The following PAK6 variants were observed in gnomAD, a reference collection of about 807,000 sequenced individuals.
PAK6 encodes the protein serine/threonine-protein kinase PAK 6.
In PAK6, 33 loss-of-function variants were observed where a neutral mutation model predicts 60.8. The ratio of observed to expected loss-of-function variants is 0.54; its 90% CI spans 0.41 to 0.73. The LOEUF (loss-of-function observed/expected upper bound fraction) is 0.73. PAK6 is among the 30% of genes least tolerant of loss of function. The pLI, the probability that PAK6 is intolerant of heterozygous loss-of-function variation, is 0.00. For synonymous variants in PAK6, 404 were observed against 378.5 expected, an observed-to-expected ratio of 1.07 and a Z score of -0.78; for missense variants, 845 against 904.1, an observed-to-expected ratio of 0.93 and a Z score of 0.84.
chr15:40,273,263 G>A, intron 7 of PAK6, 83 bp from the exon 8 acceptor site: 7 of 1,504,150 alleles, frequency 4.7e-6, no homozygotes, highest in Middle Eastern at 2.4e-4. Flanking sequence ...CCTAGCACCA[G>A]GGACTCCTAC....
chr15:40,267,572 T>C (rs1368834253), intron 5 of PAK6, among the ~76,000 whole-genome samples: 1 of 152,048 alleles, frequency 6.6e-6, no homozygotes, highest in Non-Finnish European at 1.5e-5. Context: ...GGCAGGAGAA[T>C]GGCGTGAACC....
intron 4 of PAK6, among the ~76,000 whole-genome samples, chr15:40,265,476 C>G (rs1474040822): frequency 1.3e-5 from 2 of 152,176 alleles, no homozygotes; most frequent in Non-Finnish European, 2.9e-5. Context: ...GTCTCTTCCT[C>G]AGAGGGCTGG....
chr15:40,252,109 G>T, intron 2 of PAK6: 1 of 377,654 alleles, frequency 2.6e-6, no homozygotes, highest in Non-Finnish European at 4.7e-6. Context: ...CAGTCTTGGG[G>T]CCCTGTCCAC....
chr15:40,265,502 C>T (rs1408443412), intron 4 of PAK6, among the ~76,000 whole-genome samples: 1 of 152,180 alleles, frequency 6.6e-6, no homozygotes, highest in African/African-American at 2.4e-5. Flanking sequence ...TCTCTCCCAG[C>T]CACCCGTGGA....
chr15:40,275,799 G>A, intron 10 of PAK6, 128 bp from the exon 11 acceptor site: 1 of 829,868 alleles, frequency 1.2e-6, no homozygotes, highest in Non-Finnish European at 1.9e-6. Context: ...GGGGTGGGGA[G>A]GGACAAGGGA....
intron 5 of PAK6, among the ~76,000 whole-genome samples, chr15:40,270,632 G>A (rs1595599832): frequency 6.6e-6 from 1 of 152,196 alleles, no homozygotes; most frequent in African/African-American, 2.4e-5. Flanking sequence ...GTGTCACAGT[G>A]GATGGTGACA....
chr15:40,240,382 C>T (rs1228523277), intron 1 of PAK6: 3 of 341,746 alleles, frequency 8.8e-6, no homozygotes, highest in Admixed American at 7.9e-5. Context: ...GGGCATGCCC[C>T]AGTGTGTGTC....
intron 3 of PAK6, 30 bp from the exon 4 acceptor site, chr15:40,264,751 A>C (rs2277563): frequency 0.091 from 146,116 of 1,599,592 alleles, 8,392 homozygotes; most frequent in African/African-American, 0.24. Context: ...CTTTCCCGGG[A>C]GGGAGCTCAA....
intron 2 of PAK6, among the ~76,000 whole-genome samples, chr15:40,241,815 A>T (rs562851264): frequency 1.3e-5 from 2 of 152,324 alleles, no homozygotes; most frequent in East Asian, 3.9e-4. Context: ...ACAACTCCTA[A>T]GGATGACCAA....
At chr15:40,248,128 C>G (rs771164794) in intron 2 of PAK6, among the ~76,000 whole-genome samples, 2 of 152,212 alleles carry the variant, frequency 1.3e-5, no homozygotes, top group Non-Finnish European at 2.9e-5. Flanking sequence ...AGAGGGCTCC[C>G]GTCCGCAGGA....
At chr15:40,272,621 G>C in exon 6 of PAK6, 2 of 1,611,076 alleles carry the variant, frequency 1.2e-6, no homozygotes, top group Non-Finnish European at 1.7e-6. Context: ...GGCTCCACCG[G>C]CATCGTCTGC....
chr15:40,277,442 GT>G (rs1260679331), exon 11 of PAK6: 1 of 152,518 alleles, frequency 6.6e-6, no homozygotes, highest in Non-Finnish European at 1.5e-5. Flanking sequence ...TTTGTGAATT[GT>G]TTGCACTTGT....
chr15:40,254,112 G>A (rs1428038399), intron 3 of PAK6, among the ~76,000 whole-genome samples: 1 of 152,202 alleles, frequency 6.6e-6, no homozygotes, highest in Admixed American at 6.5e-5. Context: ...AGAGAGTGGG[G>A]TTTGAATCTA....
chr15:40,266,545 G>C (rs567865492), intron 5 of PAK6, 50 bp downstream of exon 5: 1 of 1,497,100 alleles, frequency 6.7e-7, no homozygotes, highest in African/African-American at 1.4e-5. Context: ...TGGGTGTAGG[G>C]ACACAGGCCT....
exon 5 of PAK6, chr15:40,266,167 C>G (rs757303621): frequency 6.2e-7 from 1 of 1,609,206 alleles, no homozygotes; most frequent in Non-Finnish European, 8.5e-7. Flanking sequence ...GCTGCAAAGG[C>G]ACAGTCCCTG....
rs142830909 is a variant in PAK6, at chr15:40,270,461, T to G, written c.859-1763T>G. Among the ~76,000 whole-genome samples, 715 of 152,272 alleles carry G rather than the reference T, an allele frequency of 4.7e-3. 7 individuals are homozygous for G. The highest frequency in any genetic ancestry group is 0.017 in the African/African-American group (700 of 41,552). On this transcript the variant is annotated intron_variant, in intron 5 of 10. Coordinates refer to ENST00000560346, the Ensembl canonical transcript of PAK6. ...TGCGGTTTCTCTAGCTCCCCAGATC[T>G]CTGCACACGTCCCTGCATTGTAGTG...
chr15:40,255,001 G>C (rs1177563202), intron 3 of PAK6, among the ~76,000 whole-genome samples: 1 of 152,206 alleles, frequency 6.6e-6, no homozygotes, highest in Non-Finnish European at 1.5e-5. Flanking sequence ...TGAGTGTTAA[G>C]GAGGTGAAAT....
intron 5 of PAK6, among the ~76,000 whole-genome samples, chr15:40,268,174 G>A (rs1281255075): frequency 3.9e-5 from 6 of 152,132 alleles, no homozygotes; most frequent in African/African-American, 1.4e-4. Context: ...GTTTCCTTCT[G>A]GGCAACTCAG....
In PAK6 at chr15:40,239,553, TG is replaced by T. The variant is rs1391193512; in HGVS notation, c.-445del. 29 of 152,544 alleles carry T rather than the reference TG, an allele frequency of 1.9e-4. No individual in the cohort carries two copies. Among genetic ancestry groups the T allele is most frequent in the Admixed American group, 1.8e-3 (28 of 15,300 alleles). The allele number at this position is 152,544 out of a possible 1,614,324, so 9.4% of individuals were successfully genotyped here. On this transcript the variant is annotated 5_prime_UTR_variant, in exon 1 of 11. The change abolishes the stop of an existing upstream ORF in the 5' untranslated region. Coordinates refer to ENST00000560346, the Ensembl canonical transcript of PAK6. ...CCCCCTAAAGATATGGAAGACGCTG[TG>T]GGGGCCAGAAGTGCCCGGGGGGCTG... is the stretch of plus-strand genomic sequence containing the variant.
Sources: allele counts gnomAD v4.1 joint callset (sites outside exome capture counted in the v4.1 genomes callset), GRCh38; gene constraint gnomAD v4.1.1; transcripts MANE v1.5; gene names NCBI Gene and HGNC (gene_info 2026-07-23, HGNC 2026-07-21).